Variants in TRIM24 observed in about 807,000 individuals in gnomAD.
TRIM24 encodes the protein transcription intermediary factor 1-alpha.
A neutral mutation model predicts 123.9 loss-of-function variants in TRIM24; 29 were observed. That is an observed-to-expected ratio of 0.23 (90% confidence interval 0.17 to 0.32). The LOEUF (loss-of-function observed/expected upper bound fraction) is 0.32, where lower values mean the gene tolerates loss of function less well. Ranked by LOEUF, TRIM24 falls within the 10% of genes least tolerant of loss-of-function variation. The probability of loss-of-function intolerance (pLI) is 1.00; values close to 1 mark genes in which losing one functional copy is unlikely to be tolerated. For synonymous variants in TRIM24, 456 were observed against 461.1 expected (o/e 0.99, Z 0.14); for missense variants, 932 against 1,295.3 (o/e 0.72, Z 4.31).
intron 1 of TRIM24, chr7:138,461,159 G>T (rs1170981930): frequency 2.9e-6 from 2 of 701,040 alleles, no homozygotes; most frequent in South Asian, 1.4e-5. Context: ...CCGCTGCTCC[G>T]CATTCTCAAC....
At chr7:138,582,747 TAC>T (rs2116695835) in intron 17 of TRIM24, among the ~76,000 whole-genome samples, 1 of 152,254 alleles carries the variant, frequency 6.6e-6, no homozygotes, top group South Asian at 2.1e-4. Flanking sequence ...TCATTTGTTC[TAC>T]AGTTTGATAA....
rs199636029 is a variant in TRIM24, at chr7:138,570,644, G to GTT, written c.1705-172_1705-171dup. On this transcript the variant is annotated intron_variant, in intron 10 of 18. Transcript: ENST00000343526. ...AAAATCAGTGCTTTTTACTGTTTTG[G>GTT]TTTTTTTTTTTTTTTGACAAGATTA... Among the ~76,000 whole-genome samples the GTT allele has an allele frequency of 9.6e-3, 1,298 of 135,762 alleles. 12 individuals are homozygous for GTT. The highest frequency in any genetic ancestry group is 0.024 in the African/African-American group (873 of 36,714). 89.1% of individuals were successfully genotyped at this position (135,762 alleles called of 152,430 possible). A position where few individuals can be genotyped will look rare whatever the true frequency, so the allele number is the denominator to read the frequency against.
intron 9 of TRIM24, among the ~76,000 whole-genome samples, chr7:138,558,226 G>T (rs1304804089): frequency 1.3e-5 from 2 of 152,114 alleles, no homozygotes; most frequent in Non-Finnish European, 2.9e-5. Flanking sequence ...AATGGACTAG[G>T]GTGGGGTGAT....
chr7:138,467,309 A>G (rs772336386), intron 1 of TRIM24, among the ~76,000 whole-genome samples: 2 of 151,744 alleles, frequency 1.3e-5, no homozygotes, highest in Non-Finnish European at 1.5e-5. Context: ...CTAGATATCA[A>G]TTTGGGTAAG....
At chr7:138,497,256 AG>A (rs1563033437) in intron 1 of TRIM24, among the ~76,000 whole-genome samples, 1 of 151,672 alleles carries the variant, frequency 6.6e-6, no homozygotes, top group African/African-American at 2.4e-5. Context: ...TTTGTAGAGA[AG>A]GAGTTTCACC....
intron 9 of TRIM24, among the ~76,000 whole-genome samples, chr7:138,560,014 C>A (rs116888117): frequency 0.011 from 1,607 of 152,266 alleles, 33 homozygotes; most frequent in Non-Finnish European, 8.9e-3. Flanking sequence ...TGGAGGTCAC[C>A]TTTAATTTGA....
At chr7:138,503,581 A>G (rs1796087286) in intron 1 of TRIM24, among the ~76,000 whole-genome samples, 1 of 150,090 alleles carries the variant, frequency 6.7e-6, no homozygotes, top group Admixed American at 6.6e-5. Flanking sequence ...ACCTTATTGC[A>G]GTCTTCCATA....
Position 138,531,248 on chromosome 7 carries a change from G to GTTACATATGTTACATATGT in TRIM24, c.996+2025_996+2043dup, listed in dbSNP as rs1217346213. Among the ~76,000 whole-genome samples, 4 of 151,594 alleles carry GTTACATATGTTACATATGT rather than the reference G, an allele frequency of 2.6e-5. No individual in the cohort carries two copies. The East Asian group carries it at 7.7e-4, about 29-fold the overall frequency. On this transcript the variant is annotated intron_variant, in intron 6 of 18. Coordinates refer to ENST00000343526, the MANE Select transcript of TRIM24 (RefSeq NM_015905.3). ...TACGTATACATGTTACACGTTACAT[G>GTTACATATGTTACATATGT]TTACATATGTTACATATGTTTACAT... is the stretch of plus-strand genomic sequence containing the variant.
At position 138,588,727 on chromosome 7, in the gene TRIM24, G is replaced by T. The variant is rs1026887383; in HGVS notation, c.*3776G>T. The T allele has an allele frequency of 4.6e-5, 7 of 151,618 alleles. No individual in the cohort carries two copies. Among genetic ancestry groups the T allele is most frequent in the Admixed American group, 4.6e-4 (7 of 15,178 alleles). The allele number at this position is 151,618 out of a possible 1,614,324, so 9.4% of individuals were successfully genotyped here. Reference sequence around the variant, plus strand: ...AAAAGAAAAATTATGGGGAATGGCCGGGCGCGGTGGCTCACACCTGTAATC... The same window carrying T: ...AAAAGAAAAATTATGGGGAATGGCCTGGCGCGGTGGCTCACACCTGTAATC... On this transcript the variant is annotated 3_prime_UTR_variant, in exon 19 of 19. Coordinates refer to ENST00000343526, the MANE Select transcript of TRIM24 (RefSeq NM_015905.3).
At chr7:138,480,299 G>A (rs777684742) in intron 1 of TRIM24, among the ~76,000 whole-genome samples, 4 of 152,212 alleles carry the variant, frequency 2.6e-5, no homozygotes, top group African/African-American at 7.2e-5. Flanking sequence ...CTTCATTTAC[G>A]TAATGGTGAA....
chr7:138,528,354 C>CT (rs1262351497), intron 5 of TRIM24, among the ~76,000 whole-genome samples: 1 of 152,048 alleles, frequency 6.6e-6, no homozygotes, highest in Non-Finnish European at 1.5e-5. Context: ...TGGGGGAGTG[C>CT]TGGGAGAGTC....
chr7:138,476,303 A>C (rs1009326294), intron 1 of TRIM24, among the ~76,000 whole-genome samples: 12 of 152,138 alleles, frequency 7.9e-5, no homozygotes, highest in African/African-American at 2.9e-4. Context: ...ACTCTTAAAA[A>C]TTTCTCCCAG....
At chr7:138,571,920 C>T (rs571792461) in intron 11 of TRIM24, among the ~76,000 whole-genome samples, 1 of 152,158 alleles carries the variant, frequency 6.6e-6, no homozygotes, top group South Asian at 2.1e-4. Flanking sequence ...GACAGATCTC[C>T]ATATATAAGT....
At chr7:138,493,088 A>G (rs142185737) in intron 1 of TRIM24, among the ~76,000 whole-genome samples, 413 of 151,894 alleles carry the variant, frequency 2.7e-3, no homozygotes, top group African/African-American at 9.0e-3. Context: ...GTTCTTTTCT[A>G]TAATGTGTGT....
At chr7:138,569,781 C>T (rs1797615386) in intron 10 of TRIM24, among the ~76,000 whole-genome samples, 1 of 152,026 alleles carries the variant, frequency 6.6e-6, no homozygotes, top group South Asian at 2.1e-4. Context: ...TGTGAATGAC[C>T]ATGTTTGGAA....
Position 138,511,248 on chromosome 7 carries a change from G to C in TRIM24, c.484-3964G>C, listed in dbSNP as rs560960809. On this transcript the variant is annotated intron_variant, in intron 2 of 18. Coordinates refer to ENST00000343526, the MANE Select transcript of TRIM24 (RefSeq NM_015905.3). ...GGGGCAGCAGGCTTGTCTTACATGT[G>C]GCCGGAGCAGGAGCCAAAAGAGGGT... 4.3e-3 allele frequency among the ~76,000 whole-genome samples: 644 copies of C among 150,640 alleles called. 6 individuals carry two copies. The highest frequency in any genetic ancestry group is 0.015 in the African/African-American group (629 of 41,440).
intron 1 of TRIM24, among the ~76,000 whole-genome samples, chr7:138,492,749 G>T (rs1426288702): frequency 3.3e-5 from 5 of 152,180 alleles, no homozygotes; most frequent in Non-Finnish European, 7.4e-5. Flanking sequence ...GCAGTAACAA[G>T]ATCTGAGTTT....
chr7:138,578,086 C>A (rs934919262), intron 14 of TRIM24, among the ~76,000 whole-genome samples: 3 of 151,974 alleles, frequency 2.0e-5, no homozygotes, highest in African/African-American at 7.3e-5. Context: ...ACATAGGACT[C>A]CCAAGGGAGA....
rs778723958 is a variant in TRIM24, at chr7:138,587,528, C to T, written c.*2577C>T. On this transcript the variant is annotated 3_prime_UTR_variant, in exon 19 of 19. Transcript: ENST00000343526. Reference sequence around the variant, plus strand: ...CCATAAAATGAGCCTAACTATAACCCACACTCACTTATCAAGCATTCCCCC... The same window carrying T: ...CCATAAAATGAGCCTAACTATAACCTACACTCACTTATCAAGCATTCCCCC... The T allele has an allele frequency of 6.6e-6, 1 of 152,134 alleles. No individual in the cohort carries two copies. Among genetic ancestry groups the T allele is most frequent in the Non-Finnish European group, 1.5e-5 (1 of 68,038 alleles). 9.4% of individuals were successfully genotyped at this position (152,134 alleles called of 1,614,324 possible). A position where few individuals can be genotyped will look rare whatever the true frequency, so the allele number is the denominator to read the frequency against.
Sources: allele counts gnomAD v4.1 joint callset (sites outside exome capture counted in the v4.1 genomes callset), GRCh38; gene constraint gnomAD v4.1.1; transcripts MANE v1.5; gene names NCBI Gene and HGNC (gene_info 2026-07-23, HGNC 2026-07-21).